Variants in LRP5 observed in about 807,000 individuals in gnomAD.
LRP5 encodes the protein low-density lipoprotein receptor-related protein 5.
A neutral mutation model predicts 154.1 loss-of-function variants in LRP5; 62 were observed. The ratio of observed to expected loss-of-function variants is 0.40; its 90% CI spans 0.33 to 0.50. LRP5 has a LOEUF of 0.50. LRP5 is among the 20% of genes least tolerant of loss of function. The probability of loss-of-function intolerance (pLI) is 0.55; values close to 1 mark genes in which losing one functional copy is unlikely to be tolerated. For synonymous variants in LRP5, 966 were observed against 1,011.5 expected, an observed-to-expected ratio of 0.96 and a Z score of 0.85; for missense variants, 1,915 against 2,336.7, an observed-to-expected ratio of 0.82 and a Z score of 3.72.
intron 20 of LRP5, 86 bp downstream of exon 20, chr11:68,438,768 C>G (rs370792875): frequency 8.6e-7 from 1 of 1,165,766 alleles, no homozygotes. Flanking sequence ...GATGTGCTAC[C>G]CCAGGCCCTC....
At chr11:68,438,363 C>T in intron 19 of LRP5, 83 bp from the exon 20 acceptor site, 2 of 1,304,624 alleles carry the variant, frequency 1.5e-6, no homozygotes, top group South Asian at 1.2e-5. Context: ...CCAGCCCCTT[C>T]AGGGCGCACG....
intron 2 of LRP5, among the ~76,000 whole-genome samples, chr11:68,357,150 T>C (rs1428754613): frequency 2.6e-5 from 4 of 152,118 alleles, no homozygotes; most frequent in Admixed American, 6.6e-5. Flanking sequence ...TTAGCCAGGA[T>C]GGTCTTGATC....
intron 19 of LRP5, 50 bp downstream of exon 19, chr11:68,437,049 A>G: frequency 6.7e-7 from 1 of 1,490,626 alleles, no homozygotes; most frequent in Admixed American, 1.7e-5. Context: ...GGGTTCCCCC[A>G]GGAACGTGGA....
At chr11:68,415,076 C>T (rs959733375) in intron 12 of LRP5, among the ~76,000 whole-genome samples, 8 of 152,236 alleles carry the variant, frequency 5.3e-5, no homozygotes, top group East Asian at 3.8e-4. Flanking sequence ...GCTGACGGTG[C>T]GCTCGAAGTG....
At chr11:68,414,334 G>T (rs116355827) in intron 12 of LRP5, among the ~76,000 whole-genome samples, 1 of 152,168 alleles carries the variant, frequency 6.6e-6, no homozygotes, top group South Asian at 2.1e-4. Flanking sequence ...TTTCCATAGC[G>T]CTCGTTTACT....
intron 5 of LRP5, among the ~76,000 whole-genome samples, chr11:68,378,618 C>T (rs1314757352): frequency 4.0e-5 from 6 of 151,102 alleles, no homozygotes; most frequent in African/African-American, 9.7e-5. Context: ...AACATTTATA[C>T]GTTCGCTGTA....
chr11:68,409,575 G>C (rs1243130080), intron 9 of LRP5, among the ~76,000 whole-genome samples: 1 of 151,874 alleles, frequency 6.6e-6, no homozygotes, highest in African/African-American at 2.4e-5. Context: ...GGCCTGGCGT[G>C]GTGGCTCACG....
At chr11:68,320,374 G>C (rs2098596056) in intron 1 of LRP5, among the ~76,000 whole-genome samples, 1 of 151,660 alleles carries the variant, frequency 6.6e-6, no homozygotes, top group South Asian at 2.1e-4. Flanking sequence ...CTGGTTTATT[G>C]GTATTTACTT....
At chr11:68,375,502 G>A (rs970658829) in intron 5 of LRP5, among the ~76,000 whole-genome samples, 1 of 146,580 alleles carries the variant, frequency 6.8e-6, no homozygotes, top group African/African-American at 2.5e-5. Context: ...CCCTGCCCCC[G>A]GCCACAGCGC....
At chr11:68,363,012 C>T (rs181751905) in intron 3 of LRP5, among the ~76,000 whole-genome samples, 1 of 152,350 alleles carries the variant, frequency 6.6e-6, no homozygotes, top group Admixed American at 6.5e-5. Flanking sequence ...TCATTACACC[C>T]GAGTCCTCAT....
intron 2 of LRP5, among the ~76,000 whole-genome samples, chr11:68,354,154 A>G (rs1219955492): frequency 1.3e-5 from 2 of 152,178 alleles, no homozygotes; most frequent in East Asian, 3.9e-4. Context: ...AATAACACAC[A>G]ACCACAACCG....
intron 1 of LRP5, among the ~76,000 whole-genome samples, chr11:68,321,506 G>A (rs527557484): frequency 2.8e-4 from 43 of 152,180 alleles, no homozygotes; most frequent in African/African-American, 9.4e-4. Flanking sequence ...ATGAGCTGGC[G>A]GTCTCAGGCT....
intron 6 of LRP5, among the ~76,000 whole-genome samples, chr11:68,388,125 A>G (rs1007286632): frequency 7.2e-5 from 11 of 152,064 alleles, no homozygotes; most frequent in Admixed American, 7.2e-4. Flanking sequence ...GCACGGAGGC[A>G]TGTGGGAGAG....
chr11:68,425,293 G>A lies in LRP5; in HGVS notation c.3427+1G>A. 6.2e-7 allele frequency: 1 copy of A among 1,605,060 alleles called. No individual in the cohort carries two copies. The highest frequency in any genetic ancestry group is 8.5e-7 in the Non-Finnish European group (1 of 1,179,336). ...CGCATTGAGAGCTGTGACCTGTCAG[G>A]TACGCGCCCCGGGGCCTGCCCTAAC... is the stretch of plus-strand genomic sequence containing the variant. On this transcript the variant is annotated splice_donor_variant, in intron 15 of 22. Coordinates refer to ENST00000294304, the MANE Select transcript of LRP5 (RefSeq NM_002335.4). LOFTEE classifies it high-confidence loss of function.
intron 5 of LRP5, among the ~76,000 whole-genome samples, chr11:68,371,298 G>T (rs1010235611): frequency 6.6e-6 from 1 of 152,196 alleles, no homozygotes; most frequent in African/African-American, 2.4e-5. Context: ...ATGGGGATGG[G>T]CGAGAAACGG....
chr11:68,343,364 ATTTGTGTGTGTGTGTG>A (rs987890133), intron 1 of LRP5, among the ~76,000 whole-genome samples: 15 of 151,528 alleles, frequency 9.9e-5, no homozygotes, highest in African/African-American at 2.2e-4. Flanking sequence ...AGCACTGTGT[ATTTGTGTGTGTGTGTG>A]TTTGTGTGTG....
At chr11:68,410,200 T>C in intron 10 of LRP5, 60 bp downstream of exon 10, 1 of 1,420,292 alleles carries the variant, frequency 7.0e-7, no homozygotes, top group Non-Finnish European at 9.8e-7. Flanking sequence ...AGTGCGGGGG[T>C]GCCAACTGGG....
chr11:68,349,623 T>TG (rs931127001), intron 2 of LRP5, among the ~76,000 whole-genome samples: 1 of 152,136 alleles, frequency 6.6e-6, no homozygotes, highest in African/African-American at 2.4e-5. Context: ...CCTGGGCCCT[T>TG]GAAGGCTCAG....
rs571348400 is a variant in LRP5 at position 68,439,516 on chromosome 11, C to T, written c.4349-261C>T. 4.6e-5 allele frequency among the ~76,000 whole-genome samples: 7 copies of T among 152,328 alleles called. No individual in the cohort carries two copies. In the East Asian group the frequency reaches 9.6e-4, roughly 21 times the overall value. On this transcript the variant is annotated intron_variant, in intron 20 of 22. Transcript: ENST00000294304. Reference sequence around the variant, plus strand: ...GTTCCTGGCGTGCTCTGTGCTGCCCCGCCTGGGTTCCCTGCCCCAGTCGCA... The same window carrying T: ...GTTCCTGGCGTGCTCTGTGCTGCCCTGCCTGGGTTCCCTGCCCCAGTCGCA...
Sources: gnomAD v4.1 joint callset for allele counts (sites outside exome capture counted in the v4.1 genomes callset) on GRCh38, gnomAD v4.1.1 for gene constraint, MANE v1.5 for transcripts, NCBI Gene and HGNC (gene_info 2026-07-23, HGNC 2026-07-21) for gene names.